The following CLVS2 variants were observed in gnomAD, a reference collection of about 807,000 sequenced individuals.
CLVS2 encodes clavesin 2.
CLVS2 carries 19 observed loss-of-function variants against 29.0 expected under a neutral mutation model. That is an observed-to-expected ratio of 0.66 (90% CI 0.46 to 0.96). CLVS2 has a LOEUF of 0.96. CLVS2 is among the 40% of genes least tolerant of loss of function. The pLI is 0.00. For missense variants in CLVS2, 294 were observed against 404.1 expected (o/e 0.73, Z 2.34); for synonymous variants, 161 against 151.3 (o/e 1.06, Z -0.47).
Position 123,030,584 on chromosome 6 carries a change from C to T in CLVS2, c.565-18038C>T, listed in dbSNP as rs1775068745. ...CTTCCCTTTGTCTCTTTCCATAGCTCCAAACTGGACTTTGCAGTCCAGGTA... is the reference window on the plus strand; with the variant it reads ...CTTCCCTTTGTCTCTTTCCATAGCTTCAAACTGGACTTTGCAGTCCAGGTA... On this transcript the variant is annotated intron_variant, in intron 3 of 5. Transcript: ENST00000275162. Among the ~76,000 whole-genome samples the T allele has an allele frequency of 2.0e-5, 3 of 152,062 alleles. No homozygotes were observed. In the South Asian group the frequency reaches 6.2e-4, roughly 32 times the overall value.
intron 4 of CLVS2, among the ~76,000 whole-genome samples, chr6:123,054,287 G>A (rs1005769924): frequency 3.3e-5 from 5 of 152,194 alleles, no homozygotes; most frequent in African/African-American, 1.2e-4. Flanking sequence ...GTGCACATGT[G>A]TTTTCCTGGA....
Position 123,067,332 on chromosome 6 carries a change from G to C in CLVS2, c.*3571G>C, listed in dbSNP as rs1242401195. 6.6e-6 allele frequency: 1 copy of C among 151,640 alleles called. No homozygotes were observed. Among genetic ancestry groups the C allele is most frequent in the Non-Finnish European group, 1.5e-5 (1 of 67,704 alleles). The allele number at this position is 151,640 out of a possible 1,614,324, so 9.4% of individuals were successfully genotyped here. A position where few individuals can be genotyped will look rare whatever the true frequency, so the allele number is the denominator to read the frequency against. ...ATAAAGAAACCTTCAGAGCCATGGA[G>C]TATGTCTTCAGGGACAGGGATCATT... On this transcript the variant is annotated 3_prime_UTR_variant, in exon 6 of 6. Coordinates refer to ENST00000275162, the MANE Select transcript of CLVS2 (RefSeq NM_001010852.4).
intron 2 of CLVS2, among the ~76,000 whole-genome samples, chr6:122,999,401 G>A (rs1332640413): frequency 2.0e-5 from 3 of 151,676 alleles, no homozygotes; most frequent in Non-Finnish European, 4.4e-5. Flanking sequence ...ATTTTTTTAG[G>A]CAAATAGAAA....
At position 123,066,035 on chromosome 6, in the gene CLVS2, A is replaced by G. The variant is rs1772848790; in HGVS notation, c.*2274A>G. 6.6e-6 allele frequency: 1 copy of G among 151,802 alleles called. No homozygotes were observed. Among genetic ancestry groups the G allele is most frequent in the Non-Finnish European group, 1.5e-5 (1 of 67,738 alleles). The allele number at this position is 151,802 out of a possible 1,614,324, so 9.4% of individuals were successfully genotyped here. On this transcript the variant is annotated 3_prime_UTR_variant, in exon 6 of 6. Transcript: ENST00000275162. ...TTAGATGAGCAATTGAGAGTTGGCTAGATTGTGTAAAATATTTTAAAATGA... is the reference window on the plus strand; with the variant it reads ...TTAGATGAGCAATTGAGAGTTGGCTGGATTGTGTAAAATATTTTAAAATGA...
chr6:123,065,711 T>A lies in CLVS2; in HGVS notation c.*1950T>A, dbSNP rs1308939508. On this transcript the variant is annotated 3_prime_UTR_variant, in exon 6 of 6. Transcript: ENST00000275162. The stretch of plus-strand genomic sequence containing the variant: ...CCATGGGCTTTTTAGACTATATAAA[T>A]CTTAGGCAGTATAATCCATTGGAAT... 6.6e-6 allele frequency: 1 copy of A among 151,744 alleles called. No individual in the cohort carries two copies. The highest frequency in any genetic ancestry group is 1.9e-4 in the East Asian group (1 of 5,186). 9.4% of individuals were successfully genotyped at this position (151,744 alleles called of 1,614,324 possible).
At position 123,067,532 on chromosome 6, in the gene CLVS2, A is replaced by G. The variant is rs544290550; in HGVS notation, c.*3771A>G. The G allele has an allele frequency of 6.6e-6, 1 of 151,890 alleles. No individual in the cohort carries two copies. Among genetic ancestry groups the G allele is most frequent in the African/African-American group, 2.4e-5 (1 of 41,538 alleles). The allele number at this position is 151,890 out of a possible 1,614,324, so 9.4% of individuals were successfully genotyped here. ...TTTGTGTATATTTATTAATGATTAC[A>G]TGAAAAGTTGCCATCAGCCATGAGG... On this transcript the variant is annotated 3_prime_UTR_variant, in exon 6 of 6. Coordinates refer to ENST00000275162, the MANE Select transcript of CLVS2 (RefSeq NM_001010852.4).
intron 2 of CLVS2, among the ~76,000 whole-genome samples, chr6:123,006,755 T>C (rs1774674702): frequency 6.6e-6 from 1 of 152,124 alleles, no homozygotes; most frequent in Admixed American, 6.5e-5. Flanking sequence ...AGATGGCAAC[T>C]AGAAAGATGA....
intron 3 of CLVS2, among the ~76,000 whole-genome samples, chr6:123,040,468 T>A (rs1375590706): frequency 6.6e-6 from 1 of 152,080 alleles, no homozygotes; most frequent in African/African-American, 2.4e-5. Flanking sequence ...AAGAGTAACG[T>A]TGTGTTCTCC....
chr6:122,997,726 T>A lies in CLVS2; in HGVS notation c.-52T>A. ...GGTGGTGGCAAGGACCAGGTTTGCT[T>A]TGGGACAGTCAACAAGGTCTTCTGA... is the stretch of plus-strand genomic sequence containing the variant. On this transcript the variant is annotated 5_prime_UTR_variant, in exon 2 of 6. In the 5' UTR this introduces an upstream ATG that the reference lacks. Coordinates refer to ENST00000275162, the MANE Select transcript of CLVS2 (RefSeq NM_001010852.4). 1 of 1,581,308 alleles carries A rather than the reference T, an allele frequency of 6.3e-7. No homozygotes were observed. The highest frequency in any genetic ancestry group is 8.6e-7 in the Non-Finnish European group (1 of 1,162,916).
intron 5 of CLVS2, among the ~76,000 whole-genome samples, chr6:123,062,107 G>A (rs190248893): frequency 6.6e-6 from 1 of 152,234 alleles, no homozygotes; most frequent in Admixed American, 6.5e-5. Context: ...TATGGAACTT[G>A]CAGTCTAGTG....
At chr6:123,058,329 A>G (rs1420810104) in intron 5 of CLVS2, among the ~76,000 whole-genome samples, 1 of 152,120 alleles carries the variant, frequency 6.6e-6, no homozygotes, top group African/African-American at 2.4e-5. Context: ...CTCAGAACTG[A>G]ACTACATAAG....
intron 3 of CLVS2, among the ~76,000 whole-genome samples, chr6:123,038,668 T>A (rs961621398): frequency 6.6e-6 from 1 of 152,154 alleles, no homozygotes; most frequent in Non-Finnish European, 1.5e-5. Flanking sequence ...AATTATTTTT[T>A]CCTAATTTAT....
At position 122,997,597 on chromosome 6, in the gene CLVS2, C is replaced by A; in HGVS notation, c.-181C>A. Reference sequence around the variant, plus strand: ...ACACCCCCCGGCCCCCCCAGCTTTGCTGGGGGAAAGCAGGAGCAACAGGGC... The same window carrying A: ...ACACCCCCCGGCCCCCCCAGCTTTGATGGGGGAAAGCAGGAGCAACAGGGC... On this transcript the variant is annotated 5_prime_UTR_variant, in exon 2 of 6. It adds an upstream start codon to the 5' untranslated region. Transcript: ENST00000275162. 2.0e-6 allele frequency: 1 copy of A among 505,026 alleles called. No homozygotes were observed. The highest frequency in any genetic ancestry group is 3.8e-5 in the East Asian group (1 of 26,306). The allele number at this position is 505,026 out of a possible 1,614,324, so 31.3% of individuals were successfully genotyped here.
intron 4 of CLVS2, among the ~76,000 whole-genome samples, chr6:123,055,167 G>A (rs1772674879): frequency 1.3e-5 from 2 of 152,124 alleles, no homozygotes; most frequent in South Asian, 4.1e-4. Flanking sequence ...GAAATCTTTA[G>A]TAGAGAAGAT....
intron 2 of CLVS2, among the ~76,000 whole-genome samples, chr6:123,006,697 A>G (rs1389499898): frequency 6.6e-6 from 1 of 152,216 alleles, no homozygotes; most frequent in Non-Finnish European, 1.5e-5. Flanking sequence ...AAATTGAGTT[A>G]CACTAATATA....
At chr6:123,037,034 C>G (rs758895239) in intron 3 of CLVS2, among the ~76,000 whole-genome samples, 1 of 152,048 alleles carries the variant, frequency 6.6e-6, no homozygotes, top group African/African-American at 2.4e-5. Flanking sequence ...CTTAAAAATG[C>G]CTTTACATGT....
chr6:123,058,546 C>A (rs1176555158), intron 5 of CLVS2, among the ~76,000 whole-genome samples: 3 of 152,326 alleles, frequency 2.0e-5, no homozygotes, highest in East Asian at 1.9e-4. Context: ...CTTGTTGATT[C>A]CAGCCTTACC....
Position 123,067,021 on chromosome 6 carries a change from T to A in CLVS2, c.*3260T>A, listed in dbSNP as rs1772873418. The A allele has an allele frequency of 6.6e-6, 1 of 151,782 alleles. No individual in the cohort carries two copies. Among genetic ancestry groups the A allele is most frequent in the Non-Finnish European group, 1.5e-5 (1 of 67,756 alleles). The allele number at this position is 151,782 out of a possible 1,614,324, so 9.4% of individuals were successfully genotyped here. On this transcript the variant is annotated 3_prime_UTR_variant, in exon 6 of 6. Coordinates refer to ENST00000275162, the MANE Select transcript of CLVS2 (RefSeq NM_001010852.4). ...GTTTTTGAAGTGGGCATGCATGAAT[T>A]CTTTCATTTCAGTAATGGTTTGCAT... is the stretch of plus-strand genomic sequence containing the variant.
At chr6:123,057,334 C>CTTTTT (rs71541220) in intron 5 of CLVS2, among the ~76,000 whole-genome samples, 11 of 83,686 alleles carry the variant, frequency 1.3e-4, no homozygotes, top group African/African-American at 2.3e-4. Context: ...GGATGGTCTT[C>CTTTTT]TTTTTTTTTT....
Sources: allele counts gnomAD v4.1 joint callset (sites outside exome capture counted in the v4.1 genomes callset), GRCh38; gene constraint gnomAD v4.1.1; transcripts MANE v1.5; gene names NCBI Gene and HGNC (gene_info 2026-07-23, HGNC 2026-07-21).